CYP2W1: variants seen among roughly 807,000 people sequenced by gnomAD.
CYP2W1 encodes cytochrome P450 family 2 subfamily W member 1.
CYP2W1 carries 51 observed loss-of-function variants against 44.9 expected under a neutral mutation model. That is an observed-to-expected ratio of 1.14 (90% CI 0.91 to 1.43). The LOEUF (loss-of-function observed/expected upper bound fraction) is 1.43. Among genes scored for constraint, CYP2W1 ranks in the 40% most tolerant of loss-of-function variants. The probability of loss-of-function intolerance (pLI) is 0.00; values close to 1 mark genes in which losing one functional copy is unlikely to be tolerated. For synonymous variants in CYP2W1, 383 were observed against 338.3 expected, an observed-to-expected ratio of 1.13 and a Z score of -1.45; for missense variants, 746 against 700.0, an observed-to-expected ratio of 1.07 and a Z score of -0.74.
intron 6 of CYP2W1, 39 bp from the exon 7 acceptor site, chr7:987,308 G>T: frequency 6.5e-7 from 1 of 1,533,324 alleles, no homozygotes; most frequent in African/African-American, 1.4e-5. Context: ...AGGGACGAGG[G>T]ATGGCGCTGC....
At position 984,974 on chromosome 7, in the gene CYP2W1, G is replaced by A. The variant is rs767358646; in HGVS notation, c.362G>A (p.Arg121His). Reference sequence around the variant, plus strand: ...GGCATCTTCTTCTCATCTGGGGCGCGCTGGAGGGCTGCCCGCCAGTTCACG... The same window carrying A: ...GGCATCTTCTTCTCATCTGGGGCGCACTGGAGGGCTGCCCGCCAGTTCACG... ...GGGIFFSSGA[R>H]WRAARQFTVR... Residue 121 changes from arginine (R) to histidine (H), a missense_variant, in exon 3 of 9, where the codon CGC becomes CAC. Coordinates refer to ENST00000308919, the MANE Select transcript of CYP2W1 (RefSeq NM_017781.3). 13 of 1,606,496 alleles carry A rather than the reference G, an allele frequency of 8.1e-6. No individual in the cohort carries two copies. The highest frequency in any genetic ancestry group is 4.4e-5 in the South Asian group (4 of 90,966).
chr7:984,548 T>A lies in CYP2W1; in HGVS notation c.311T>A (p.Ile104Asn). 1 of 1,560,384 alleles carries A rather than the reference T, an allele frequency of 6.4e-7. No individual in the cohort carries two copies. The highest frequency in any genetic ancestry group is 8.7e-7 in the Non-Finnish European group (1 of 1,154,578). Reference sequence around the variant, plus strand: ...CTGGCCGACCGGCCTCCCATCGCCATCTTCCAGCTCATCCAGCGAGGTGGA... The same window carrying A: ...CTGGCCGACCGGCCTCCCATCGCCAACTTCCAGCTCATCCAGCGAGGTGGA... ...QELADRPPIA[I>N]FQLIQRGGGI... Residue 104 changes from isoleucine (I) to asparagine (N), a missense_variant, in exon 2 of 9, where the codon ATC becomes AAC. By Grantham distance (149) the Ile-to-Asn change is moderately radical (BLOSUM62 -3). Transcript: ENST00000308919.
chr7:987,667 G>T, intron 7 of CYP2W1, 136 bp downstream of exon 7: 1 of 890,756 alleles, frequency 1.1e-6, no homozygotes, highest in Non-Finnish European at 1.6e-6. Context: ...AATAAAGGGC[G>T]TCCAGCCAGG....
At chr7:986,845 G>T in intron 5 of CYP2W1, 48 bp downstream of exon 5, 1 of 1,465,258 alleles carries the variant, frequency 6.8e-7, no homozygotes, top group South Asian at 1.4e-5. Context: ...GGGTCCTGAG[G>T]GACACCCCAG....
Position 986,338 on chromosome 7 carries a change from G to T in CYP2W1, c.646-286G>T, listed in dbSNP as rs760719576. The T allele has an allele frequency of 1.1e-4, 53 of 492,620 alleles. 1 individual carries two copies. The highest frequency in any genetic ancestry group is 1.9e-4 in the Non-Finnish European group (52 of 272,952). 30.5% of individuals were successfully genotyped at this position (492,620 alleles called of 1,614,324 possible). A position where few individuals can be genotyped will look rare whatever the true frequency, so the allele number is the denominator to read the frequency against. The stretch of plus-strand genomic sequence containing the variant: ...TTCCATGACTCACAGGAGGTTCAAG[G>T]TTACTTCCACTGTGGCAGCTGCCTC... On this transcript the variant is annotated intron_variant, in intron 4 of 8. Coordinates refer to ENST00000308919, the MANE Select transcript of CYP2W1 (RefSeq NM_017781.3).
chr7:986,688 T>C lies in CYP2W1; in HGVS notation c.710T>C (p.Ile237Thr), dbSNP rs1297351286. Residue 237 changes from isoleucine to threonine, a missense_variant, in exon 5 of 9, where the codon ATC (isoleucine) becomes ACC (threonine). By Grantham distance (89) the Ile-to-Thr change is moderately conservative. Coordinates refer to ENST00000308919, the MANE Select transcript of CYP2W1 (RefSeq NM_017781.3). ...LQLHRPVLRK[I>T]EEVRAILRTL... ...CTGCACCGGCCCGTCCTGCGCAAGA[T>C]CGAGGAGGTCCGTGCCATTCTGAGG... 1.2e-6 allele frequency: 2 copies of C among 1,612,464 alleles called. No individual in the cohort carries two copies. The highest frequency in any genetic ancestry group is 1.7e-6 in the Non-Finnish European group (2 of 1,179,866).
chr7:988,949 C>T lies in CYP2W1; in HGVS notation c.*127C>T, dbSNP rs1177494756. 2.0e-5 allele frequency: 13 copies of T among 635,308 alleles called. No homozygotes were observed. The Admixed American group carries it at 3.8e-4, about 19-fold the overall frequency. The allele number at this position is 635,308 out of a possible 1,614,324, so 39.4% of individuals were successfully genotyped here. A position where few individuals can be genotyped will look rare whatever the true frequency, so the allele number is the denominator to read the frequency against. ...GCCCTGAGGACTCCCACCCTCACCCCCACCCCCACAGGGTCAGCAACTGCT... is the reference window on the plus strand; with the variant it reads ...GCCCTGAGGACTCCCACCCTCACCCTCACCCCCACAGGGTCAGCAACTGCT... On this transcript the variant is annotated 3_prime_UTR_variant, in exon 9 of 9. Transcript: ENST00000308919.
intron 2 of CYP2W1, 51 bp from the exon 3 acceptor site, chr7:984,899 G>A (rs1183426263): frequency 2.0e-6 from 3 of 1,532,626 alleles, no homozygotes; most frequent in Non-Finnish European, 2.6e-6. Context: ...TGCCTGGCGG[G>A]GCTGGCTGGG....
chr7:987,665 G>A (rs1848472796), intron 7 of CYP2W1, 134 bp downstream of exon 7: 1 of 921,830 alleles, frequency 1.1e-6, no homozygotes, highest in South Asian at 1.8e-5. Context: ...GCAATAAAGG[G>A]CGTCCAGCCA....
In CYP2W1 at chr7:984,506, C is replaced by T. The variant is rs770182157; in HGVS notation, c.269C>T (p.Ala90Val). The stretch of plus-strand genomic sequence containing the variant: ...TTCGAGGCGGTCAAAGAGGCGCTGG[C>T]GGGCCCCGGGCAGGAGCTGGCCGAC... ...TGFEAVKEAL[A>V]GPGQELADRP... Residue 90 changes from alanine to valine, a missense_variant, in exon 2 of 9, where the codon GCG becomes GTG. By Grantham distance (64) the Ala-to-Val change is moderately conservative. Coordinates refer to ENST00000308919, the MANE Select transcript of CYP2W1 (RefSeq NM_017781.3). 4.6e-5 allele frequency: 71 copies of T among 1,551,768 alleles called. 3 individuals are homozygous for T. The South Asian group carries it at 5.8e-4, about 13-fold the overall frequency.
Position 987,493 on chromosome 7 carries a change from G to T in CYP2W1, c.1105G>T (p.Ala369Ser). ...CCTGCCGCACGTGCCCCGCTGCACC[G>T]CGGCCGACACACAGCTGGGCGGCTT... ...TLLPHVPRCT[A>S]ADTQLGGFLL... is the part of the protein sequence containing the mutation. The change falls in exon 7 of 9, where the codon GCG becomes TCG. Residue 369 changes from alanine to serine, a missense_variant. Coordinates refer to ENST00000308919, the MANE Select transcript of CYP2W1 (RefSeq NM_017781.3). 1 of 1,546,542 alleles carries T rather than the reference G, an allele frequency of 6.5e-7. No individual in the cohort carries two copies. Among genetic ancestry groups the T allele is most frequent in the Non-Finnish European group, 8.7e-7 (1 of 1,152,440 alleles).
Position 986,777 on chromosome 7 carries a change from G to T in CYP2W1, c.799G>T (p.Ala267Ser). 1 of 1,583,880 alleles carries T rather than the reference G, an allele frequency of 6.3e-7. No individual in the cohort carries two copies. Among genetic ancestry groups the T allele is most frequent in the Admixed American group, 1.8e-5 (1 of 56,638 alleles). ...PGDPVCSYVD[A>S]LIQQGQGDDP... ...GGACCCCGTGTGCAGCTATGTGGAC[G>T]CCCTGATCCAGCAGGGACAGGTGTG... Residue 267 changes from alanine (A) to serine (S), a missense_variant, in exon 5 of 9, where the codon GCC (alanine) becomes TCC (serine). Transcript: ENST00000308919.
chr7:983,903 G>A (rs571827331), intron 1 of CYP2W1, among the ~76,000 whole-genome samples: 86 of 152,364 alleles, frequency 5.6e-4, no homozygotes, highest in African/African-American at 1.9e-3. Flanking sequence ...TAGCACTGTC[G>A]CTCTGTCCTC....
In CYP2W1 at chr7:989,150, A is replaced by G. The variant is rs928443784; in HGVS notation, c.*328A>G. ...CTCCCCCCAGGGCCCCCCAGCACCT[A>G]CAGCTGGGGCTGCAGGGAGACAACG... On this transcript the variant is annotated 3_prime_UTR_variant, in exon 9 of 9. Transcript: ENST00000308919. 2.8e-6 allele frequency: 1 copy of G among 353,464 alleles called. No homozygotes were observed. The highest frequency in any genetic ancestry group is 5.1e-6 in the Non-Finnish European group (1 of 194,336). The allele number at this position is 353,464 out of a possible 1,614,324, so 21.9% of individuals were successfully genotyped here. A position where few individuals can be genotyped will look rare whatever the true frequency, so the allele number is the denominator to read the frequency against.
rs778191648 is a variant in CYP2W1 at position 985,012 on chromosome 7, C to G, written c.400C>G (p.His134Asp). ...CCGCCAGTTCACGGTGCGTGCCCTG[C>G]ACAGCCTGGGCGTGGGCCGGGAGCC... is the stretch of plus-strand genomic sequence containing the variant. ...AARQFTVRALHSLGVGREPVA... is the reference protein window; with the variant it reads ...AARQFTVRALDSLGVGREPVA... The change falls in exon 3 of 9, where the codon CAC (histidine) becomes GAC (aspartate). Residue 134 changes from histidine to aspartate, a missense_variant. His to Asp is a moderately conservative substitution (Grantham distance 81). Transcript: ENST00000308919. 6.2e-7 allele frequency: 1 copy of G among 1,611,826 alleles called. No individual in the cohort carries two copies. The highest frequency in any genetic ancestry group is 1.7e-4 in the Middle Eastern group (1 of 6,058).
intron 1 of CYP2W1, 93 bp from the exon 2 acceptor site, chr7:984,319 C>T: frequency 1.4e-6 from 2 of 1,470,388 alleles, no homozygotes; most frequent in Non-Finnish European, 1.8e-6. Context: ...TCCCTCTGTC[C>T]CCACCCCTAC....
At chr7:987,290 G>A in intron 6 of CYP2W1, 45 bp downstream of exon 6, 2 of 1,509,152 alleles carry the variant, frequency 1.3e-6, no homozygotes, top group East Asian at 2.5e-5. Flanking sequence ...TGCCCCCGGG[G>A]GACCCCCAGG....
Position 983,202 on chromosome 7 carries a change from C to T in CYP2W1, c.-10C>T. On this transcript the variant is annotated 5_prime_UTR_variant, in exon 1 of 9. Transcript: ENST00000308919. ...CAGGAGGGGAGTGGAGCCTCACCAG[C>T]CACGTCCTCATGGCCCTGCTGCTCT... 6.7e-7 allele frequency: 1 copy of T among 1,487,548 alleles called. No homozygotes were observed. The allele number at this position is 1,487,548 out of a possible 1,614,324, so 92.1% of individuals were successfully genotyped here. A position where few individuals can be genotyped will look rare whatever the true frequency, so the allele number is the denominator to read the frequency against.
intron 4 of CYP2W1, 177 bp from the exon 5 acceptor site, chr7:986,447 C>A: frequency 1.5e-6 from 1 of 688,458 alleles, no homozygotes. Flanking sequence ...CAGGGGGTTT[C>A]CTGGCAGTTC....
Sources: gnomAD v4.1 joint callset for allele counts (sites outside exome capture counted in the v4.1 genomes callset) on GRCh38, gnomAD v4.1.1 for gene constraint, MANE v1.5 for transcripts, NCBI Gene and HGNC (gene_info 2026-07-23, HGNC 2026-07-21) for gene names.